DOK7: variants seen among roughly 807,000 people sequenced by gnomAD.
DOK7 encodes the protein protein Dok-7.
Under a neutral mutation model 30.7 loss-of-function variants are expected in DOK7, and 32 were observed. The ratio of observed to expected loss-of-function variants is 1.04; its 90% CI spans 0.79 to 1.40. The LOEUF is 1.40. Among genes scored for constraint, DOK7 ranks in the 40% most tolerant of loss-of-function variants. DOK7 has a pLI of 0.00. For missense variants in DOK7, 1,007 were observed against 699.2 expected, an observed-to-expected ratio of 1.44 and a Z score of -4.97; for synonymous variants, 447 against 324.1, an observed-to-expected ratio of 1.38 and a Z score of -4.07.
chr4:3,496,750 CG>C, downstream of DOK7: 1 of 1,507,062 alleles, frequency 6.6e-7, no homozygotes, highest in Non-Finnish European at 8.9e-7. Context: ...TCCTTGTTCT[CG>C]GTGGCCCCCC....
chr4:3,476,581 A>AC lies in DOK7; in HGVS notation c.532+45dup. The AC allele has an allele frequency of 3.1e-6, 5 of 1,610,732 alleles. No homozygotes were observed. The South Asian group carries it at 3.3e-5, about 11-fold the overall frequency. ...TGTGGGGTCACTGGGCAGCAGCAGC[A>AC]CCCCCCACTTCCCCTGAGAACTGCT... On this transcript the variant is annotated intron_variant, in intron 4 of 6. Transcript: ENST00000340083.
downstream of DOK7, among the ~76,000 whole-genome samples, chr4:3,495,798 C>T (rs1174606952): frequency 3.3e-5 from 5 of 152,256 alleles, no homozygotes; most frequent in South Asian, 4.1e-4. Flanking sequence ...CTGCCCCCAC[C>T]GGGAGCAGCT....
intron 7 of DOK7, chr4:3,500,475 C>T (rs959115099): frequency 2.4e-5 from 36 of 1,512,630 alleles, no homozygotes; most frequent in African/African-American, 2.8e-5. Context: ...CCTGAGCCCC[C>T]AGCCCCACCC....
At chr4:3,490,485 C>A (rs1306532652) in intron 6 of DOK7, among the ~76,000 whole-genome samples, 1 of 131,962 alleles carries the variant, frequency 7.6e-6, no homozygotes, top group Non-Finnish European at 1.6e-5. Flanking sequence ...TCTGCTCATT[C>A]ATTCCTTCCT....
At chr4:3,498,752 C>T (rs562281876), downstream of DOK7, among the ~76,000 whole-genome samples, 3 of 152,388 alleles carry the variant, frequency 2.0e-5, no homozygotes, top group East Asian at 5.8e-4. Context: ...TGTTCTGTGG[C>T]TCATCTCGAT....
At position 3,489,728 on chromosome 4, in the gene DOK7, C is replaced by T; in HGVS notation, c.704C>T (p.Ala235Val). ...STVEERVAQE[A>V]LETLQLEKRL... Reference sequence around the variant, plus strand: ...GTGGAGGAGCGTGTGGCCCAGGAAGCCCTGGAAACCCTACAGCTGGAGAAG... The same window carrying T: ...GTGGAGGAGCGTGTGGCCCAGGAAGTCCTGGAAACCCTACAGCTGGAGAAG... Residue 235 changes from alanine (A) to valine (V), a missense_variant, in exon 6 of 7, where the codon GCC (alanine) becomes GTC (valine). Coordinates refer to ENST00000340083, the MANE Select transcript of DOK7 (RefSeq NM_173660.5). The T allele has an allele frequency of 6.4e-7, 1 of 1,565,906 alleles. No homozygotes were observed.
chr4:3,493,097 T>G lies in DOK7; in HGVS notation c.1111T>G (p.Ser371Ala). The change falls in exon 7 of 7, where the codon TCA becomes GCA. Residue 371 changes from serine to alanine, a missense_variant. Physicochemically the swap from Ser to Ala is moderately conservative, Grantham distance 99. Coordinates refer to ENST00000340083, the MANE Select transcript of DOK7 (RefSeq NM_173660.5). ...GTGGCGGGCCACAGATGAACTGGGC[T>G]CACTGCTCAGCCTGCCAGCAGCGGG... ...DVWRATDELG[S>A]LLSLPAAGAP... 6.3e-7 allele frequency: 1 copy of G among 1,581,242 alleles called. No individual in the cohort carries two copies. The highest frequency in any genetic ancestry group is 1.1e-5 in the South Asian group (1 of 87,642).
chr4:3,494,155 G>A lies in DOK7; in HGVS notation c.*654G>A, dbSNP rs1025407859. On this transcript the variant is annotated 3_prime_UTR_variant, in exon 7 of 7. Transcript: ENST00000340083. Reference sequence around the variant, plus strand: ...GGGAGCAGGTGGTGTCCTCAGAGCAGCCTCGCCTGCTGACCCCACTGGGAG... The same window carrying A: ...GGGAGCAGGTGGTGTCCTCAGAGCAACCTCGCCTGCTGACCCCACTGGGAG... 1 of 985,620 alleles carries A rather than the reference G, an allele frequency of 1.0e-6. No homozygotes were observed. The highest frequency in any genetic ancestry group is 4.7e-5 in the South Asian group (1 of 21,302). 61.1% of individuals were successfully genotyped at this position (985,620 alleles called of 1,614,324 possible). A position where few individuals can be genotyped will look rare whatever the true frequency, so the allele number is the denominator to read the frequency against.
At chr4:3,495,312 C>A (rs1218581085), downstream of DOK7, among the ~76,000 whole-genome samples, 1 of 149,264 alleles carries the variant, frequency 6.7e-6, no homozygotes, top group Non-Finnish European at 1.5e-5. Context: ...GGGAGCCAGG[C>A]CCTTCCCGCT....
At chr4:3,492,610 G>C in intron 6 of DOK7, 149 bp from the exon 7 acceptor site, 2 of 1,053,456 alleles carry the variant, frequency 1.9e-6, no homozygotes, top group Non-Finnish European at 2.8e-6. Context: ...GTGAAGCCAG[G>C]TTTCTGCTGT....
At chr4:3,463,587 G>A in intron 2 of DOK7, 36 bp downstream of exon 2, 3 of 1,518,240 alleles carry the variant, frequency 2.0e-6, no homozygotes, top group African/African-American at 1.4e-5. Context: ...GGGCGCGGGG[G>A]TAGCGACACG....
intron 6 of DOK7, 103 bp downstream of exon 6, chr4:3,489,899 CTCAT>C (rs1233182967): frequency 1.1e-5 from 16 of 1,472,888 alleles, no homozygotes; most frequent in Middle Eastern, 1.8e-4. Context: ...GCTCCCTCTG[CTCAT>C]TCATTCATTC....
At chr4:3,490,227 CCTCA>C (rs1728173150) in intron 6 of DOK7, among the ~76,000 whole-genome samples, 24 of 109,718 alleles carry the variant, frequency 2.2e-4, no homozygotes, top group African/African-American at 5.0e-4. Flanking sequence ...GTCTTCACCC[CCTCA>C]TTCATTCCTT....
At chr4:3,468,838 CGT>C (rs1171886703) in intron 2 of DOK7, among the ~76,000 whole-genome samples, 2 of 134,512 alleles carry the variant, frequency 1.5e-5, no homozygotes, top group East Asian at 4.6e-4. Context: ...TGTGTGTGTG[CGT>C]GTATGTGTGT....
intron 2 of DOK7, among the ~76,000 whole-genome samples, chr4:3,464,964 C>T (rs1726188359): frequency 1.3e-5 from 2 of 152,154 alleles, no homozygotes; most frequent in South Asian, 2.1e-4. Flanking sequence ...CCGTATCCTG[C>T]GCAGTTGAGA....
rs1728755793 is a variant in DOK7, at chr4:3,494,200, C to G, written c.*699C>G. 2.0e-6 allele frequency: 2 copies of G among 985,432 alleles called. No individual in the cohort carries two copies. The highest frequency in any genetic ancestry group is 2.4e-6 in the Non-Finnish European group (2 of 830,008). The allele number at this position is 985,432 out of a possible 1,614,324, so 61.0% of individuals were successfully genotyped here. A position where few individuals can be genotyped will look rare whatever the true frequency, so the allele number is the denominator to read the frequency against. On this transcript the variant is annotated 3_prime_UTR_variant, in exon 7 of 7. Transcript: ENST00000340083. ...TGGGAGAGGCGCCGTGCCTCGGGCC[C>G]CTGGTGGGAGCTCTGCTGGCTCCTG...
chr4:3,463,533 A>AAGCCGTCGCCCGTGGC lies in DOK7; in HGVS notation c.85_100dup (p.Asp34AlafsTer64). 7.2e-7 allele frequency: 1 copy of AAGCCGTCGCCCGTGGC among 1,398,252 alleles called. No homozygotes were observed. Among genetic ancestry groups the AAGCCGTCGCCCGTGGC allele is most frequent in the Non-Finnish European group, 9.4e-7 (1 of 1,066,008 alleles). 86.6% of individuals were successfully genotyped at this position (1,398,252 alleles called of 1,614,324 possible). ...GAAGAGTAGGTGGCTGGTGCTGCGG[A>AAGCCGTCGCCCGTGGC]AGCCGTCGCCCGTGGCAGGTGAGCG... On this transcript the variant is annotated frameshift_variant, in exon 2 of 7. Transcript: ENST00000340083. LOFTEE classifies it high-confidence loss of function.
chr4:3,474,603 C>A (rs1184512901), intron 3 of DOK7, among the ~76,000 whole-genome samples: 4 of 152,172 alleles, frequency 2.6e-5, no homozygotes, highest in Non-Finnish European at 5.9e-5. Context: ...GGGCAGATCA[C>A]CTGAGGTCAG....
At chr4:3,492,297 G>A (rs1047619034) in intron 6 of DOK7, among the ~76,000 whole-genome samples, 9 of 152,000 alleles carry the variant, frequency 5.9e-5, no homozygotes, top group African/African-American at 1.2e-4. Flanking sequence ...CTGGTGCCTC[G>A]TGTCCAGGCT....
Sources: gnomAD v4.1 joint callset for allele counts (sites outside exome capture counted in the v4.1 genomes callset) on GRCh38, gnomAD v4.1.1 for gene constraint, MANE v1.5 for transcripts, NCBI Gene and HGNC (gene_info 2026-07-23, HGNC 2026-07-21) for gene names.